Variants in PLEKHA5 observed in about 807,000 individuals in gnomAD.
PLEKHA5 encodes pleckstrin homology domain containing A5.
Under a neutral mutation model 181.9 loss-of-function variants are expected in PLEKHA5, and 55 were observed. The ratio of observed to expected loss-of-function variants is 0.30; its 90% CI spans 0.24 to 0.38. The LOEUF (loss-of-function observed/expected upper bound fraction) is 0.38. Ranked by LOEUF, PLEKHA5 falls within the 10% of genes least tolerant of loss-of-function variation. The pLI, the probability that PLEKHA5 is intolerant of heterozygous loss-of-function variation, is 1.00. For missense variants in PLEKHA5, 1,432 were observed against 1,549.5 expected (o/e 0.92, Z 1.27); for synonymous variants, 535 against 529.4 (o/e 1.01, Z -0.15).
intron 3 of PLEKHA5, among the ~76,000 whole-genome samples, chr12:19,225,925 T>C (rs2059623608): frequency 6.6e-6 from 1 of 152,218 alleles, no homozygotes; most frequent in Admixed American, 6.5e-5. Context: ...GTCAAAATCC[T>C]ACTAACTAGA....
intron 16 of PLEKHA5, among the ~76,000 whole-genome samples, chr12:19,318,145 T>C (rs1304223516): frequency 6.6e-6 from 1 of 151,962 alleles, no homozygotes; most frequent in Non-Finnish European, 1.5e-5. Flanking sequence ...GGAAAAATTT[T>C]GTTTTCTTAT....
intron 20 of PLEKHA5, among the ~76,000 whole-genome samples, chr12:19,325,216 A>C (rs1371688018): frequency 6.6e-6 from 1 of 151,172 alleles, no homozygotes; most frequent in Non-Finnish European, 1.5e-5. Flanking sequence ...ATTTAGGGAG[A>C]CCCTATCTCT....
chr12:19,214,366 TTAAGATTA>T (rs2152232938), intron 3 of PLEKHA5, among the ~76,000 whole-genome samples: 1 of 152,102 alleles, frequency 6.6e-6, no homozygotes, highest in Non-Finnish European at 1.5e-5. Context: ...GAGAATAGAA[TTAAGATTA>T]CAGTTAATGG....
chr12:19,360,585 GAC>G (rs1287725557), intron 28 of PLEKHA5, among the ~76,000 whole-genome samples: 1 of 150,054 alleles, frequency 6.7e-6, no homozygotes, highest in African/African-American at 2.5e-5. Context: ...CAGCCTGGAG[GAC>G]AGAGTGAGAT....
intron 28 of PLEKHA5, 97 bp downstream of exon 28, chr12:19,359,643 C>A: frequency 1.6e-6 from 2 of 1,219,370 alleles, no homozygotes; most frequent in South Asian, 1.3e-5. Context: ...TTCTTTCAGT[C>A]ACAGAGTCCA....
At position 19,334,722 on chromosome 12, in the gene PLEKHA5, T is replaced by C. The variant is rs867152565; in HGVS notation, c.2449-1793T>C. ...CTGACTAGATGTGGTGGCTCACACCTGTAATCTCAGCACTATGAGAGGCCA... is the reference window on the plus strand; with the variant it reads ...CTGACTAGATGTGGTGGCTCACACCCGTAATCTCAGCACTATGAGAGGCCA... On this transcript the variant is annotated intron_variant, in intron 20 of 31. Coordinates refer to ENST00000429027, the MANE Select transcript of PLEKHA5 (RefSeq NM_001256470.2). 2.0e-5 allele frequency among the ~76,000 whole-genome samples: 3 copies of C among 148,348 alleles called. No individual in the cohort carries two copies. The South Asian group carries it at 6.5e-4, about 32-fold the overall frequency.
At chr12:19,349,696 CAGG>C (rs1474724744) in intron 25 of PLEKHA5, among the ~76,000 whole-genome samples, 1 of 147,194 alleles carries the variant, frequency 6.8e-6, no homozygotes, top group Non-Finnish European at 1.5e-5. Context: ...CACCTGAGGT[CAGG>C]AGATCAACAA....
chr12:19,166,095 TCCCAAGTCC>T (rs141285175), intron 3 of PLEKHA5, among the ~76,000 whole-genome samples: 100,413 of 151,530 alleles, frequency 0.66, 36,608 homozygotes, highest in Non-Finnish European at 0.83. Flanking sequence ...GGGATCTGGC[TCCCAAGTCC>T]CTGTTCTTCA....
chr12:19,204,065 T>G (rs917460281), intron 3 of PLEKHA5, among the ~76,000 whole-genome samples: 8 of 152,026 alleles, frequency 5.3e-5, no homozygotes, highest in African/African-American at 1.7e-4. Flanking sequence ...CTTAGCTGTT[T>G]CCATGGGATG....
At chr12:19,321,414 A>AGT (rs2090784385) in intron 18 of PLEKHA5, among the ~76,000 whole-genome samples, 1 of 116,138 alleles carries the variant, frequency 8.6e-6, no homozygotes, top group Non-Finnish European at 1.6e-5. Context: ...CCCGGGTTGG[A>AGT]GTGCAGTGTC....
intron 25 of PLEKHA5, among the ~76,000 whole-genome samples, chr12:19,351,574 G>T (rs1401538528): frequency 6.6e-6 from 1 of 152,026 alleles, no homozygotes; most frequent in Non-Finnish European, 1.5e-5. Flanking sequence ...TAAGATAAAA[G>T]AAATTGTTGA....
intron 3 of PLEKHA5, among the ~76,000 whole-genome samples, chr12:19,140,310 C>T (rs1386206664): frequency 2.0e-5 from 3 of 152,144 alleles, no homozygotes; most frequent in Non-Finnish European, 4.4e-5. Flanking sequence ...TTACTGAAGT[C>T]TGTACTATCG....
intron 11 of PLEKHA5, among the ~76,000 whole-genome samples, chr12:19,276,446 T>G (rs1038057403): frequency 1.3e-5 from 2 of 152,186 alleles, no homozygotes; most frequent in East Asian, 3.8e-4. Context: ...ATCCCAGCAC[T>G]TCGGGAGGCC....
chr12:19,362,217 A>G (rs1439754379), intron 29 of PLEKHA5, among the ~76,000 whole-genome samples: 1 of 147,306 alleles, frequency 6.8e-6, no homozygotes, highest in East Asian at 2.0e-4. Context: ...TCTATCTGAC[A>G]GGTGTGTTGT....
intron 3 of PLEKHA5, among the ~76,000 whole-genome samples, chr12:19,203,741 T>C (rs181565083): frequency 6.6e-6 from 1 of 152,158 alleles, no homozygotes; most frequent in Non-Finnish European, 1.5e-5. Flanking sequence ...TTGAACTCTT[T>C]TAAAAGCAGA....
chr12:19,268,985 C>T (rs2071559533), intron 8 of PLEKHA5, among the ~76,000 whole-genome samples: 1 of 151,840 alleles, frequency 6.6e-6, no homozygotes, highest in Admixed American at 6.6e-5. Flanking sequence ...CCTTTTGAGG[C>T]CTAAAGAAAT....
chr12:19,299,213 A>G (rs2080782539), intron 15 of PLEKHA5, among the ~76,000 whole-genome samples: 1 of 152,260 alleles, frequency 6.6e-6, no homozygotes, highest in Admixed American at 6.5e-5. Flanking sequence ...TATTAAAGTT[A>G]AACTGATGAC....
chr12:19,313,661 T>G (rs1488634368), intron 15 of PLEKHA5, among the ~76,000 whole-genome samples: 1 of 152,072 alleles, frequency 6.6e-6, no homozygotes, highest in Non-Finnish European at 1.5e-5. Context: ...TAAAAATAAA[T>G]GGTCTAGTCT....
intron 20 of PLEKHA5, among the ~76,000 whole-genome samples, chr12:19,327,276 G>A (rs1465884013): frequency 7.2e-6 from 1 of 138,230 alleles, no homozygotes; most frequent in Non-Finnish European, 1.6e-5. Flanking sequence ...CTTTTTAATA[G>A]TAGCCATTCT....
Sources: gnomAD v4.1 joint callset for allele counts (sites outside exome capture counted in the v4.1 genomes callset) on GRCh38, gnomAD v4.1.1 for gene constraint, MANE v1.5 for transcripts, NCBI Gene and HGNC (gene_info 2026-07-23, HGNC 2026-07-21) for gene names.